SHTN1: variants seen among roughly 807,000 people sequenced by gnomAD.
The protein encoded by SHTN1 is shootin-1.
In SHTN1, 42 loss-of-function variants were observed where a neutral mutation model predicts 83.1. That is an observed-to-expected ratio of 0.51 (90% CI 0.39 to 0.65). The LOEUF is 0.65. SHTN1 is among the 30% of genes least tolerant of loss of function. The pLI, the probability that SHTN1 is intolerant of heterozygous loss-of-function variation, is 0.00. For missense variants in SHTN1, 622 were observed against 737.8 expected, an observed-to-expected ratio of 0.84 and a Z score of 1.82; for synonymous variants, 224 against 247.7, an observed-to-expected ratio of 0.90 and a Z score of 0.90.
intron 1 of SHTN1, among the ~76,000 whole-genome samples, chr10:117,000,904 A>G (rs964916435): frequency 1.3e-5 from 2 of 152,336 alleles, no homozygotes; most frequent in South Asian, 2.1e-4. Context: ...ATTCAGCTCT[A>G]TCTCTCTGAT....
chr10:116,944,754 G>A (rs943436641), intron 8 of SHTN1, among the ~76,000 whole-genome samples, 170 bp downstream of exon 8: 3 of 152,088 alleles, frequency 2.0e-5, no homozygotes, highest in Non-Finnish European at 4.4e-5. Context: ...AGCTGGGCAC[G>A]GTGGCGTGTG....
chr10:116,976,805 T>C (rs995193652), intron 2 of SHTN1, among the ~76,000 whole-genome samples: 1 of 152,082 alleles, frequency 6.6e-6, no homozygotes, highest in East Asian at 1.9e-4. Context: ...ATAAACAGAG[T>C]GCAGTGAACT....
At chr10:116,965,067 C>G (rs1464625523) in intron 3 of SHTN1, among the ~76,000 whole-genome samples, 1 of 152,186 alleles carries the variant, frequency 6.6e-6, no homozygotes, top group African/African-American at 2.4e-5. Context: ...TAGTGGTGTT[C>G]TTTGTGTGTA....
chr10:116,930,014 T>TA lies in SHTN1; in HGVS notation c.859-13_859-12insT. 2 of 1,513,438 alleles carry TA rather than the reference T, an allele frequency of 1.3e-6. No homozygotes were observed. The highest frequency in any genetic ancestry group is 1.8e-6 in the Non-Finnish European group (2 of 1,131,906). 93.8% of individuals were successfully genotyped at this position (1,513,438 alleles called of 1,614,324 possible). ...TCTAATTCTTTGACCTATAAGTTAT[T>TA]TAAAAAAAAAAGACTTTTATGGCTG... On this transcript the variant is annotated splice_polypyrimidine_tract_variant and intron_variant, in intron 9 of 16. Coordinates refer to ENST00000355371, the MANE Select transcript of SHTN1 (RefSeq NM_001127211.3).
intron 6 of SHTN1, among the ~76,000 whole-genome samples, chr10:116,951,257 A>G (rs1349169143): frequency 6.6e-6 from 1 of 152,096 alleles, no homozygotes; most frequent in African/African-American, 2.4e-5. Flanking sequence ...CCACATCTCT[A>G]TAAAAATTTT....
Position 117,066,702 on chromosome 10 carries a change from T to C in SHTN1, c.-188-18192A>G, listed in dbSNP as rs181771217. On this transcript the variant is annotated intron_variant, in intron 1 of 17. Transcript: ENST00000392901. ...AGGCCTAGATGCTAGAGCAAACAGC[T>C]ATCACATACAATACTTACAACACTA... 2.6e-5 allele frequency among the ~76,000 whole-genome samples: 4 copies of C among 152,294 alleles called. No homozygotes were observed. The East Asian group carries it at 5.8e-4, about 22-fold the overall frequency.
intron 1 of SHTN1, among the ~76,000 whole-genome samples, chr10:117,063,377 C>G (rs1278449813): frequency 6.6e-6 from 1 of 152,160 alleles, no homozygotes; most frequent in East Asian, 1.9e-4. Flanking sequence ...GGTTTCACCA[C>G]GTGCTCCAAG....
intron 2 of SHTN1, among the ~76,000 whole-genome samples, chr10:117,017,385 G>C (rs1225907569): frequency 6.6e-6 from 1 of 151,476 alleles, no homozygotes; most frequent in Non-Finnish European, 1.5e-5. Context: ...CAGCTACTCG[G>C]GAGGCTGAGG....
intron 2 of SHTN1, among the ~76,000 whole-genome samples, chr10:117,025,844 G>C (rs1852326377): frequency 6.6e-6 from 1 of 152,124 alleles, no homozygotes; most frequent in Non-Finnish European, 1.5e-5. Context: ...TTGAAGGAAA[G>C]GATGCAGTCC....
chr10:116,974,616 C>T (rs552301113), intron 2 of SHTN1, among the ~76,000 whole-genome samples: 1 of 152,248 alleles, frequency 6.6e-6, no homozygotes, highest in East Asian at 1.9e-4. Context: ...AGTAGCTCAC[C>T]CAAACGACTT....
chr10:116,973,982 T>C, intron 2 of SHTN1: 1 of 1,203,054 alleles, frequency 8.3e-7, no homozygotes. Context: ...TACACTCTTA[T>C]CCCTAAAGAA....
At chr10:117,007,716 T>C (rs2133553097), upstream of SHTN1, among the ~76,000 whole-genome samples, 1 of 151,952 alleles carries the variant, frequency 6.6e-6, no homozygotes. Flanking sequence ...ATGGAAAGGA[T>C]AGAAGTGATA....
chr10:116,906,870 T>C (rs538588128), intron 14 of SHTN1, 123 bp from the exon 15 acceptor site: 1 of 754,030 alleles, frequency 1.3e-6, no homozygotes, highest in East Asian at 3.0e-5. Context: ...CAAAATGAAT[T>C]TGCTATATAT....
intron 1 of SHTN1, among the ~76,000 whole-genome samples, chr10:117,073,911 G>C (rs2133605167): frequency 6.6e-6 from 1 of 152,198 alleles, no homozygotes; most frequent in South Asian, 2.1e-4. Context: ...AGCTCCCTGA[G>C]GTTTCTACAA....
intron 1 of SHTN1, among the ~76,000 whole-genome samples, chr10:117,077,600 G>T (rs1314582894): frequency 6.6e-6 from 1 of 151,970 alleles, no homozygotes; most frequent in East Asian, 1.9e-4. Context: ...TTAACATTAG[G>T]TATATCTCCT....
At chr10:116,974,846 C>A (rs986582922) in intron 2 of SHTN1, among the ~76,000 whole-genome samples, 40 of 138,368 alleles carry the variant, frequency 2.9e-4, no homozygotes, top group Middle Eastern at 8.7e-3. Context: ...AGGAAAAAAA[C>A]CCAAACGATT....
intron 8 of SHTN1, among the ~76,000 whole-genome samples, chr10:116,942,187 G>T (rs1849397498): frequency 6.6e-6 from 1 of 150,942 alleles, no homozygotes; most frequent in African/African-American, 2.4e-5. Flanking sequence ...AAAATGAATT[G>T]TTTTGGGTGA....
chr10:116,906,677 A>T lies in SHTN1; in HGVS notation c.1430T>A (p.Leu477Ter). The change falls in exon 15 of 17, where the codon TTA (leucine) becomes TAA (stop). Residue 477 changes from leucine to a stop codon, truncating the protein, a stop_gained. Transcript: ENST00000355371. LOFTEE classifies it high-confidence loss of function. ...SLDPENSETE[L>*]ERILRRRKVT... ...CTTTCTGCGACGCAAAATCCTTTCT[A>T]ACTCAGTTTCACTGTTTTCAGGGTC... The T allele has an allele frequency of 6.2e-7, 1 of 1,613,522 alleles. No homozygotes were observed. Among genetic ancestry groups the T allele is most frequent in the Non-Finnish European group, 8.5e-7 (1 of 1,179,652 alleles).
chr10:116,900,680 TAAAC>T, intron 16 of SHTN1: 8 of 1,466,376 alleles, frequency 5.5e-6, no homozygotes, highest in South Asian at 2.8e-5. Flanking sequence ...AATTAGGTGT[TAAAC>T]AAATTTAATA....
Sources: gnomAD v4.1 joint callset for allele counts (sites outside exome capture counted in the v4.1 genomes callset) on GRCh38, gnomAD v4.1.1 for gene constraint, MANE v1.5 for transcripts, NCBI Gene and HGNC (gene_info 2026-07-23, HGNC 2026-07-21) for gene names.